Variants in RAD51B observed in about 807,000 individuals in gnomAD.
RAD51B encodes the protein DNA repair protein RAD51 homolog 2.
Under a neutral mutation model 42.2 loss-of-function variants are expected in RAD51B, and 38 were observed. That is an observed-to-expected ratio of 0.90 (90% CI 0.70 to 1.18). The LOEUF (loss-of-function observed/expected upper bound fraction) is 1.18, where lower values mean the gene tolerates loss of function less well. Ranked by LOEUF, RAD51B falls within the 50% of genes most tolerant of loss-of-function variation. The pLI is 0.00. For missense variants in RAD51B, 373 were observed against 400.7 expected (o/e 0.93, Z 0.59); for synonymous variants, 154 against 145.2 (o/e 1.06, Z -0.43).
At chr14:68,487,209 GT>G (rs542216504) in intron 10 of RAD51B, among the ~76,000 whole-genome samples, 37 of 152,332 alleles carry the variant, frequency 2.4e-4, no homozygotes, top group Middle Eastern at 3.4e-3. Context: ...GCTCCAGCAG[GT>G]TTGGTTTCTC....
chr14:68,020,945 C>T (rs1595269139), intron 7 of RAD51B, among the ~76,000 whole-genome samples: 1 of 152,040 alleles, frequency 6.6e-6, no homozygotes, highest in Admixed American at 6.6e-5. Flanking sequence ...CTTTTATTGA[C>T]AAGAGTGTTG....
At chr14:68,005,715 T>C (rs980756) in intron 7 of RAD51B, among the ~76,000 whole-genome samples, 140,653 of 152,256 alleles carry the variant, frequency 0.92, 65,708 homozygotes, top group African/African-American at 0.98. Context: ...ACTTATTGGT[T>C]ATTTGTATAA....
At chr14:68,051,476 G>A (rs1358716801) in intron 7 of RAD51B, among the ~76,000 whole-genome samples, 3 of 151,870 alleles carry the variant, frequency 2.0e-5, no homozygotes, top group African/African-American at 7.3e-5. Context: ...ATACAACCCT[G>A]GTTGTTTTTA....
downstream of RAD51B, among the ~76,000 whole-genome samples, chr14:68,613,621 T>A (rs969097970): frequency 4.7e-5 from 7 of 149,432 alleles, no homozygotes; most frequent in Admixed American, 6.6e-5. Context: ...ACCCGGCTAG[T>A]TTTTTTGTAT....
intron 4 of RAD51B, among the ~76,000 whole-genome samples, chr14:67,849,270 C>G (rs1218898982): frequency 1.3e-5 from 2 of 152,008 alleles, no homozygotes; most frequent in Non-Finnish European, 2.9e-5. Flanking sequence ...ATTCTTTATT[C>G]TTTCTTTCTT....
chr14:68,296,210 T>G (rs934818227), intron 8 of RAD51B, among the ~76,000 whole-genome samples: 2 of 152,196 alleles, frequency 1.3e-5, no homozygotes, highest in East Asian at 3.9e-4. Context: ...CTGTTAGAGC[T>G]GGAAAAGACT....
chr14:68,103,224 C>T (rs2077321198), intron 7 of RAD51B, among the ~76,000 whole-genome samples: 1 of 152,144 alleles, frequency 6.6e-6, no homozygotes, highest in Non-Finnish European at 1.5e-5. Flanking sequence ...CATAAGTGGA[C>T]TATAGCAGTT....
intron 10 of RAD51B, among the ~76,000 whole-genome samples, chr14:68,605,546 C>A (rs76416441): frequency 0.018 from 2,756 of 152,340 alleles, 71 homozygotes; most frequent in African/African-American, 0.059. Context: ...GGAACTTTTA[C>A]TTTCTACAGC....
chr14:68,435,884 C>T (rs1329956858), intron 9 of RAD51B, among the ~76,000 whole-genome samples: 1 of 151,950 alleles, frequency 6.6e-6, no homozygotes, highest in Admixed American at 6.6e-5. Context: ...TTATTTTTTG[C>T]TTGTTGAATT....
chr14:67,841,675 G>C (rs887933643), intron 4 of RAD51B, among the ~76,000 whole-genome samples: 2 of 130,754 alleles, frequency 1.5e-5, no homozygotes, highest in Non-Finnish European at 3.3e-5. Flanking sequence ...TGAATAGGAA[G>C]TCCTTTCCCC....
chr14:68,427,202 T>C (rs1374371963), intron 9 of RAD51B, among the ~76,000 whole-genome samples: 1 of 152,208 alleles, frequency 6.6e-6, no homozygotes, highest in Non-Finnish European at 1.5e-5. Flanking sequence ...GAGAGCCCCA[T>C]CTAGGGCAAT....
intron 10 of RAD51B, among the ~76,000 whole-genome samples, chr14:68,576,120 C>T (rs941696324): frequency 1.3e-4 from 20 of 152,156 alleles, no homozygotes; most frequent in African/African-American, 4.8e-4. Context: ...ACAGTCCCTG[C>T]CATAGCCAAG....
chr14:68,079,218 A>G (rs1354250166), intron 7 of RAD51B, among the ~76,000 whole-genome samples: 1 of 152,106 alleles, frequency 6.6e-6, no homozygotes, highest in Non-Finnish European at 1.5e-5. Flanking sequence ...GTTTCCCACT[A>G]TGCTGGTATG....
At chr14:68,200,005 T>C (rs1274638) in intron 7 of RAD51B, among the ~76,000 whole-genome samples, 23,406 of 152,230 alleles carry the variant, frequency 0.15, 1,918 homozygotes, top group Middle Eastern at 0.34. Context: ...GATGTTTATA[T>C]TGGCTGGCTC....
At chr14:68,545,858 A>G (rs902065219) in intron 10 of RAD51B, among the ~76,000 whole-genome samples, 3 of 152,134 alleles carry the variant, frequency 2.0e-5, no homozygotes, top group African/African-American at 7.2e-5. Context: ...TTGCTTGCCA[A>G]TTTGGGTCTG....
chr14:68,108,813 C>T (rs2077416681), intron 7 of RAD51B, among the ~76,000 whole-genome samples: 1 of 151,758 alleles, frequency 6.6e-6, no homozygotes, highest in Non-Finnish European at 1.5e-5. Context: ...TTTTTTAAAC[C>T]TATTAATTTG....
intron 8 of RAD51B, among the ~76,000 whole-genome samples, chr14:68,392,383 ATGT>A (rs1434182481): frequency 3.3e-5 from 5 of 152,102 alleles, no homozygotes. Context: ...ACAGCTCAAG[ATGT>A]TGTTTGCCAA....
At chr14:68,286,104 C>T (rs1313943727) in intron 7 of RAD51B, among the ~76,000 whole-genome samples, 1 of 152,140 alleles carries the variant, frequency 6.6e-6, no homozygotes, top group Non-Finnish European at 1.5e-5. Flanking sequence ...TTCTCTAGAC[C>T]ATGACATTAA....
chr14:67,869,837 G>A (rs2042460850), intron 5 of RAD51B, among the ~76,000 whole-genome samples: 1 of 152,086 alleles, frequency 6.6e-6, no homozygotes, highest in South Asian at 2.1e-4. Flanking sequence ...AGCCAAACAA[G>A]CTTCATAAGT....
Sources: gnomAD v4.1 joint callset for allele counts (sites outside exome capture counted in the v4.1 genomes callset) on GRCh38, gnomAD v4.1.1 for gene constraint, MANE v1.5 for transcripts, NCBI Gene and HGNC (gene_info 2026-07-23, HGNC 2026-07-21) for gene names.